The following TAB2 variants were observed in gnomAD, a reference collection of about 807,000 sequenced individuals.
TAB2 encodes the protein TGF-beta-activated kinase 1 and MAP3K7-binding protein 2.
A neutral mutation model predicts 65.0 loss-of-function variants in TAB2; 3 were observed. That is an observed-to-expected ratio of 0.05 (90% confidence interval 0.02 to 0.12). The LOEUF is 0.12. Among genes scored for constraint, TAB2 ranks in the 10% least tolerant of loss-of-function variants. TAB2 has a pLI of 1.00. For missense variants in TAB2, 623 were observed against 840.3 expected (o/e 0.74, Z 3.20); for synonymous variants, 298 against 285.1 (o/e 1.05, Z -0.46).
At chr6:149,306,567 A>AC (rs1398899329) in intron 1 of TAB2, among the ~76,000 whole-genome samples, 1 of 150,946 alleles carries the variant, frequency 6.6e-6, no homozygotes, top group Non-Finnish European at 1.5e-5. Flanking sequence ...CAAAAAAAAA[A>AC]AAAAAACAAA....
chr6:149,383,017 T>C (rs961723751), intron 3 of TAB2, among the ~76,000 whole-genome samples: 4 of 152,000 alleles, frequency 2.6e-5, no homozygotes, highest in Admixed American at 2.0e-4. Context: ...TAGCTGGGTG[T>C]GGTGGCGTGC....
intron 1 of TAB2, among the ~76,000 whole-genome samples, chr6:149,255,873 G>A (rs535767467): frequency 7.2e-5 from 11 of 152,334 alleles, no homozygotes; most frequent in Middle Eastern, 3.4e-3. Flanking sequence ...CCAGGCAGTC[G>A]TTGCAGACCA....
intron 1 of TAB2, among the ~76,000 whole-genome samples, chr6:149,350,615 G>GTTTTT (rs1682951051): frequency 1.0e-5 from 1 of 98,374 alleles, no homozygotes; most frequent in African/African-American, 3.8e-5. Context: ...CATATTTTAT[G>GTTTTT]TCTTTTTTTT....
At chr6:149,222,826 T>C (rs1196201573) in intron 1 of TAB2, among the ~76,000 whole-genome samples, 2 of 152,024 alleles carry the variant, frequency 1.3e-5, no homozygotes, top group Admixed American at 6.6e-5. Context: ...TCTCAATCTC[T>C]CTCTTTCACA....
chr6:149,293,863 A>C (rs1287621656), intron 1 of TAB2, among the ~76,000 whole-genome samples: 1 of 152,212 alleles, frequency 6.6e-6, no homozygotes, highest in East Asian at 1.9e-4. Flanking sequence ...AATTACTATG[A>C]AACCTCAATT....
intron 1 of TAB2, among the ~76,000 whole-genome samples, chr6:149,309,019 T>TA (rs35438102): frequency 2.0e-3 from 299 of 151,612 alleles, no homozygotes; most frequent in African/African-American, 6.9e-3. Flanking sequence ...GGATAGATAA[T>TA]AAAAAAAAAT....
intron 6 of TAB2, among the ~76,000 whole-genome samples, chr6:149,406,334 G>C (rs972475725): frequency 6.6e-6 from 1 of 152,194 alleles, no homozygotes; most frequent in African/African-American, 2.4e-5. Flanking sequence ...TTCCTGTGAA[G>C]CTGAACAGGA....
chr6:149,328,173 C>G (rs559835874), intron 1 of TAB2, among the ~76,000 whole-genome samples: 1 of 152,138 alleles, frequency 6.6e-6, no homozygotes, highest in African/African-American at 2.4e-5. Flanking sequence ...ATCACATGAT[C>G]GAAAGAACAG....
At chr6:149,236,404 CT>C (rs1046141474) in intron 1 of TAB2, among the ~76,000 whole-genome samples, 5 of 152,086 alleles carry the variant, frequency 3.3e-5, no homozygotes, top group African/African-American at 1.2e-4. Flanking sequence ...ATGGGAGGAG[CT>C]TTTTCAAATT....
intron 1 of TAB2, among the ~76,000 whole-genome samples, chr6:149,306,560 A>C (rs1779075054): frequency 5.4e-5 from 3 of 55,252 alleles, no homozygotes; most frequent in Middle Eastern, 0.017. Context: ...TCCGTCTCAA[A>C]AAAAAAAAAA....
At chr6:149,326,587 G>T (rs949961820) in intron 1 of TAB2, among the ~76,000 whole-genome samples, 5 of 148,598 alleles carry the variant, frequency 3.4e-5, no homozygotes, top group Non-Finnish European at 4.4e-5. Context: ...TTGCTCTTTT[G>T]TCCAGGCTAG....
intron 1 of TAB2, 137 bp downstream of exon 1, chr6:149,318,152 T>C (rs971877524): frequency 6.5e-6 from 1 of 152,884 alleles, no homozygotes; most frequent in East Asian, 1.9e-4. Flanking sequence ...TAACTTGCAC[T>C]CTTCCTCCCT....
At chr6:149,312,640 GGCAT>G (rs1441132977) in intron 1 of TAB2, among the ~76,000 whole-genome samples, 1 of 152,212 alleles carries the variant, frequency 6.6e-6, no homozygotes, top group Non-Finnish European at 1.5e-5. Flanking sequence ...TGGAATTACA[GGCAT>G]GAGCCACTGT....
intron 1 of TAB2, among the ~76,000 whole-genome samples, chr6:149,292,985 T>C (rs1048282643): frequency 1.6e-4 from 24 of 152,218 alleles, no homozygotes; most frequent in Non-Finnish European, 4.4e-5. Context: ...GGTACGTATC[T>C]TCACTAGTTT....
At chr6:149,289,742 C>CT (rs1778742604) in intron 1 of TAB2, among the ~76,000 whole-genome samples, 1 of 152,248 alleles carries the variant, frequency 6.6e-6, no homozygotes, top group African/African-American at 2.4e-5. Context: ...TGTGACACAA[C>CT]TCTCAGGAGG....
intron 1 of TAB2, among the ~76,000 whole-genome samples, chr6:149,255,623 C>T (rs892339780): frequency 2.0e-5 from 3 of 151,990 alleles, no homozygotes; most frequent in African/African-American, 7.3e-5. Context: ...AGAAATTATG[C>T]TAGTGTCTTT....
At chr6:149,389,700 G>A (rs1054984529) in intron 3 of TAB2, among the ~76,000 whole-genome samples, 6 of 150,498 alleles carry the variant, frequency 4.0e-5, no homozygotes, top group African/African-American at 4.9e-5. Flanking sequence ...TCACTCCCAC[G>A]TCGCATAATG....
Position 149,349,230 on chromosome 6 carries a change from C to T in TAB2, c.-89-20679C>T, listed in dbSNP as rs183961363. On this transcript the variant is annotated intron_variant, in intron 1 of 6. Coordinates refer to ENST00000637181, the MANE Select transcript of TAB2 (RefSeq NM_001292034.3). The stretch of plus-strand genomic sequence containing the variant: ...GGCCAGGAGATTGAGATGATCCTGG[C>T]TAACACAGTGAAACCCCGTCTCTAC... 2.4e-3 allele frequency among the ~76,000 whole-genome samples: 363 copies of T among 151,902 alleles called. 2 individuals carry two copies. The highest frequency in any genetic ancestry group is 8.4e-3 in the African/African-American group (349 of 41,388).
At chr6:149,223,342 G>T (rs1017124084) in intron 1 of TAB2, among the ~76,000 whole-genome samples, 1 of 152,164 alleles carries the variant, frequency 6.6e-6, no homozygotes, top group Non-Finnish European at 1.5e-5. Flanking sequence ...GTTTGTTTTA[G>T]TTTGCAGAAT....
Sources: allele counts gnomAD v4.1 joint callset (sites outside exome capture counted in the v4.1 genomes callset), GRCh38; gene constraint gnomAD v4.1.1; transcripts MANE v1.5; gene names NCBI Gene and HGNC (gene_info 2026-07-23, HGNC 2026-07-21).